PDE4B: variants seen among roughly 807,000 people sequenced by gnomAD.
The protein encoded by PDE4B is phosphodiesterase 4B, also known as 3',5'-cyclic-AMP phosphodiesterase 4B.
In PDE4B, 20 loss-of-function variants were observed where a neutral mutation model predicts 82.2. The observed-to-expected ratio is 0.24, with a 90% CI of 0.17 to 0.35. The LOEUF is 0.35. PDE4B is among the 10% of genes least tolerant of loss of function. The pLI is 1.00. For missense variants in PDE4B, 655 were observed against 907.2 expected, an observed-to-expected ratio of 0.72 and a Z score of 3.57; for synonymous variants, 320 against 318.9, an observed-to-expected ratio of 1.00 and a Z score of -0.04.
At chr1:66,243,968 C>A (rs576827723) in intron 3 of PDE4B, among the ~76,000 whole-genome samples, 1 of 152,316 alleles carries the variant, frequency 6.6e-6, no homozygotes, top group Non-Finnish European at 1.5e-5. Flanking sequence ...AAGTCACAAT[C>A]AAATATTCAG....
chr1:66,233,402 GT>G (rs563534405), intron 3 of PDE4B, among the ~76,000 whole-genome samples: 25 of 148,420 alleles, frequency 1.7e-4, no homozygotes, highest in South Asian at 1.1e-3. Flanking sequence ...ATTGTTTCCA[GT>G]TTTTTTTTTA....
intron 1 of PDE4B, among the ~76,000 whole-genome samples, chr1:65,884,053 G>T (rs1571065533): frequency 6.6e-6 from 1 of 152,098 alleles, no homozygotes; most frequent in Non-Finnish European, 1.5e-5. Flanking sequence ...GCTGGATTTG[G>T]TTTGCCAGTA....
At chr1:66,180,236 G>T (rs1212541201) in intron 3 of PDE4B, among the ~76,000 whole-genome samples, 2 of 152,158 alleles carry the variant, frequency 1.3e-5, no homozygotes, top group Admixed American at 1.3e-4. Context: ...ACGTATGGAG[G>T]AAAGGGGCAG....
At chr1:66,129,450 G>T (rs1372140061) in intron 3 of PDE4B, among the ~76,000 whole-genome samples, 1 of 151,666 alleles carries the variant, frequency 6.6e-6, no homozygotes, top group Non-Finnish European at 1.5e-5. Flanking sequence ...GAGGTCAGGA[G>T]ATCGAGACCA....
In PDE4B at chr1:66,072,884, A is replaced by C. The variant is rs1488318947; in HGVS notation, c.281+154049A>C. On this transcript the variant is annotated intron_variant, in intron 3 of 16. Coordinates refer to ENST00000341517, the MANE Select transcript of PDE4B (RefSeq NM_002600.4). Reference sequence around the variant, plus strand: ...CATAATAGAAATGGGATCTCAGAGCAAACACCCCTAATGCACATCTGTGGA... The same window carrying C: ...CATAATAGAAATGGGATCTCAGAGCCAACACCCCTAATGCACATCTGTGGA... 2.0e-5 allele frequency among the ~76,000 whole-genome samples: 3 copies of C among 152,144 alleles called. No individual in the cohort carries two copies. The East Asian group carries it at 5.8e-4, about 29-fold the overall frequency.
intron 8 of PDE4B, among the ~76,000 whole-genome samples, chr1:66,353,181 C>T (rs1274407178): frequency 6.6e-6 from 1 of 152,144 alleles, no homozygotes; most frequent in Non-Finnish European, 1.5e-5. Flanking sequence ...CAAAATTGCA[C>T]AGAGGTTCAA....
At chr1:65,966,575 A>G (rs937938322) in intron 3 of PDE4B, among the ~76,000 whole-genome samples, 2 of 152,174 alleles carry the variant, frequency 1.3e-5, no homozygotes, top group Non-Finnish European at 2.9e-5. Context: ...ACCAAAAAAG[A>G]GCTCGTATAG....
At chr1:65,993,030 TCTC>T in intron 3 of PDE4B, 1 of 1,613,954 alleles carries the variant, frequency 6.2e-7, no homozygotes, top group Non-Finnish European at 8.5e-7. Context: ...CAGACCTACA[TCTC>T]CTAAAATTTC....
chr1:66,068,477 A>C (rs527430581), intron 3 of PDE4B, among the ~76,000 whole-genome samples: 23 of 152,088 alleles, frequency 1.5e-4, no homozygotes, highest in African/African-American at 4.8e-4. Flanking sequence ...CCATTTAAAA[A>C]TTTATATTTT....
At chr1:66,088,083 C>G (rs1468794240) in intron 3 of PDE4B, among the ~76,000 whole-genome samples, 1 of 151,928 alleles carries the variant, frequency 6.6e-6, no homozygotes, top group Non-Finnish European at 1.5e-5. Flanking sequence ...TGAGGAACCA[C>G]AGCTTGAGCT....
intron 3 of PDE4B, among the ~76,000 whole-genome samples, chr1:66,092,672 C>T (rs1267734983): frequency 6.6e-6 from 1 of 152,052 alleles, no homozygotes; most frequent in African/African-American, 2.4e-5. Flanking sequence ...GAAACCTCTT[C>T]TGATCTGGGG....
intron 7 of PDE4B, among the ~76,000 whole-genome samples, chr1:66,282,453 GA>G (rs1444470749): frequency 6.6e-6 from 1 of 152,188 alleles, no homozygotes; most frequent in Non-Finnish European, 1.5e-5. Flanking sequence ...ACATCACAAG[GA>G]GAGAGAATTA....
chr1:66,193,690 G>A (rs1310918450), intron 3 of PDE4B, among the ~76,000 whole-genome samples: 1 of 152,104 alleles, frequency 6.6e-6, no homozygotes, highest in Non-Finnish European at 1.5e-5. Context: ...ATTGGTCAAG[G>A]TATGTTTAAA....
intron 3 of PDE4B, among the ~76,000 whole-genome samples, chr1:66,091,770 G>A (rs1318210082): frequency 6.6e-6 from 1 of 152,058 alleles, no homozygotes; most frequent in African/African-American, 2.4e-5. Context: ...AGGGTTATTG[G>A]TGGAGGCCAT....
At chr1:66,244,094 A>C (rs931032666) in intron 3 of PDE4B, among the ~76,000 whole-genome samples, 1 of 152,252 alleles carries the variant, frequency 6.6e-6, no homozygotes, top group Non-Finnish European at 1.5e-5. Flanking sequence ...CAGAATTGCA[A>C]ATATGAAGAG....
intron 3 of PDE4B, among the ~76,000 whole-genome samples, chr1:65,978,516 C>G (rs1019907181): frequency 5.5e-5 from 8 of 146,028 alleles, no homozygotes; most frequent in Non-Finnish European, 1.1e-4. Context: ...AAATAATTCA[C>G]TCACTTAGGT....
rs547598495 is a variant in PDE4B at position 66,144,829 on chromosome 1, A to C, written c.282-102631A>C. 1.9e-4 allele frequency among the ~76,000 whole-genome samples: 29 copies of C among 152,366 alleles called. No homozygotes were observed. In the South Asian group the frequency reaches 3.9e-3, roughly 21 times the overall value. On this transcript the variant is annotated intron_variant, in intron 3 of 16. Coordinates refer to ENST00000341517, the MANE Select transcript of PDE4B (RefSeq NM_002600.4). ...CACAAAATTAGTGTCTTTCTAAAGG[A>C]AAATGAATTGAGTAACTGGAGAGGT...
At chr1:66,188,374 A>C (rs562849284) in intron 3 of PDE4B, among the ~76,000 whole-genome samples, 34 of 151,568 alleles carry the variant, frequency 2.2e-4, no homozygotes, top group African/African-American at 8.0e-4. Flanking sequence ...AGCTGAATTC[A>C]ATTCCTGGGT....
chr1:65,810,109 C>A (rs1243848405), intron 1 of PDE4B, among the ~76,000 whole-genome samples: 2 of 152,228 alleles, frequency 1.3e-5, no homozygotes, highest in African/African-American at 4.8e-5. Context: ...AAAGGACAGG[C>A]AGTGTATAGC....
Sources: allele counts gnomAD v4.1 joint callset (sites outside exome capture counted in the v4.1 genomes callset), GRCh38; gene constraint gnomAD v4.1.1; transcripts MANE v1.5; gene names NCBI Gene and HGNC (gene_info 2026-07-23, HGNC 2026-07-21).